The following HUWE1 variants were observed in gnomAD, a reference collection of about 807,000 sequenced individuals.
HUWE1 encodes HECT, UBA and WWE domain containing E3 ubiquitin protein ligase 1.
A neutral mutation model predicts 299.4 loss-of-function variants in HUWE1; 18 were observed. The ratio of observed to expected loss-of-function variants is 0.06; its 90% confidence interval spans 0.04 to 0.09. The LOEUF is 0.09. Among genes scored for constraint, HUWE1 ranks in the 10% least tolerant of loss-of-function variants. HUWE1 has a pLI of 1.00. For missense variants in HUWE1, 1,832 were observed against 3,462.3 expected (o/e 0.53, Z 11.82); for synonymous variants, 1,317 against 1,286.1 (o/e 1.02, Z -0.51).
In HUWE1 at chrX:53,539,147, C is replaced by T. The variant is rs1318479956; in HGVS notation, c.11633-67G>A. 1.5e-5 allele frequency: 16 copies of T among 1,048,854 alleles called. No homozygotes were observed. The Admixed American group carries it at 3.5e-4, about 23-fold the overall frequency. The allele number at this position is 1,048,854 out of a possible 1,213,427, so 86.4% of individuals were successfully genotyped here. On this transcript the variant is annotated intron_variant, in intron 75 of 83. Transcript: ENST00000262854. Reference sequence around the variant, plus strand: ...AACTTCAACATGCAAACCTCTTTGCCATCATAAACAAATTATAAAAATAAA... The same window carrying T: ...AACTTCAACATGCAAACCTCTTTGCTATCATAAACAAATTATAAAAATAAA...
intron 74 of HUWE1, among the ~76,000 whole-genome samples, chrX:53,542,008 C>T (rs1162518066): frequency 1.8e-5 from 2 of 111,466 alleles, no homozygotes; most frequent in African/African-American, 6.5e-5. Context: ...TGGCGAAACT[C>T]GTCTCTACTA....
intron 30 of HUWE1, 43 bp from the exon 31 acceptor site, chrX:53,594,664 CAG>C (rs1414143158): frequency 1.7e-6 from 2 of 1,185,220 alleles, no homozygotes; most frequent in African/African-American, 3.5e-5. Flanking sequence ...TTCTGTAAAG[CAG>C]AGACAGAAGC....
At chrX:53,671,556 C>T (rs1458960975) in intron 3 of HUWE1, among the ~76,000 whole-genome samples, 1 of 110,750 alleles carries the variant, frequency 9.0e-6, no homozygotes, top group Non-Finnish European at 1.9e-5. Flanking sequence ...TTTGGGAGGC[C>T]GAGGCGGGCG....
chrX:53,577,668 G>A (rs1556960526), intron 43 of HUWE1, among the ~76,000 whole-genome samples: 2 of 111,022 alleles, frequency 1.8e-5, no homozygotes, highest in Non-Finnish European at 3.8e-5. Flanking sequence ...GCAGGCGCGC[G>A]CCGCCACGCC....
chrX:53,662,569 AT>A (rs2069058362), intron 3 of HUWE1, among the ~76,000 whole-genome samples: 1 of 112,099 alleles, frequency 8.9e-6, no homozygotes, highest in South Asian at 3.7e-4. Context: ...ATCAACTGTA[AT>A]TACTGGTTTG....
At chrX:53,601,792 C>T (rs2064865773) in intron 28 of HUWE1, among the ~76,000 whole-genome samples, 2 of 109,174 alleles carry the variant, frequency 1.8e-5, no homozygotes, top group South Asian at 8.2e-4. Flanking sequence ...CCTCAGCCTC[C>T]CGAGTAGCTG....
chrX:53,547,167 C>T (rs1046746171), intron 68 of HUWE1, among the ~76,000 whole-genome samples: 1 of 111,949 alleles, frequency 8.9e-6, no homozygotes, highest in Non-Finnish European at 1.9e-5. Context: ...ATGGCCCACT[C>T]TATTCTTTAA....
intron 29 of HUWE1, among the ~76,000 whole-genome samples, chrX:53,597,844 AG>A (rs1342738065): frequency 9.5e-6 from 1 of 105,791 alleles, no homozygotes; most frequent in Non-Finnish European, 1.9e-5. Context: ...ACCCTGACAG[AG>A]GGAACATCAC....
At chrX:53,640,153 G>A (rs1331137734) in intron 7 of HUWE1, among the ~76,000 whole-genome samples, 1 of 112,518 alleles carries the variant, frequency 8.9e-6, no homozygotes, top group East Asian at 2.8e-4. Context: ...GAGCTCAGGA[G>A]TTGGAGACCA....
chrX:53,626,071 T>C lies in HUWE1; in HGVS notation c.1490-813A>G, dbSNP rs181552971. ...GTTATGATAAAGAAACTTACTAGAA[T>C]AAAAGGTACCACAAAAAGAAAAATT... On this transcript the variant is annotated intron_variant, in intron 17 of 83. Coordinates refer to ENST00000262854, the MANE Select transcript of HUWE1 (RefSeq NM_031407.7). The C allele has an allele frequency of 1.2e-4, 44 of 359,433 alleles. 1 individual carries two copies. Among genetic ancestry groups the C allele is most frequent in the African/African-American group, 9.0e-4 (34 of 37,842 alleles). 29.6% of individuals were successfully genotyped at this position (359,433 alleles called of 1,213,427 possible).
intron 43 of HUWE1, 144 bp from the exon 44 acceptor site, chrX:53,577,211 T>C: frequency 2.0e-6 from 1 of 501,117 alleles, no homozygotes; most frequent in South Asian, 2.8e-5. Flanking sequence ...AGTACTCTAC[T>C]ATAAAACCTG....
intron 4 of HUWE1, among the ~76,000 whole-genome samples, chrX:53,650,421 C>T (rs1336032273): frequency 1.8e-5 from 2 of 111,930 alleles, no homozygotes; most frequent in Non-Finnish European, 3.8e-5. Context: ...CTCTCTGGCA[C>T]AAATATGTCT....
chrX:53,681,687 G>A (rs2070162596), intron 2 of HUWE1, among the ~76,000 whole-genome samples: 2 of 111,934 alleles, frequency 1.8e-5, no homozygotes, highest in Admixed American at 1.9e-4. Context: ...AACAAATGAG[G>A]GAGGTGAAAA....
Position 53,608,715 on chromosome X carries a change from A to G in HUWE1, c.2319+137T>C. 4 of 528,216 alleles carry G rather than the reference A, an allele frequency of 7.6e-6. No individual in the cohort carries two copies. In the South Asian group the frequency reaches 7.6e-5, roughly 10 times the overall value. The allele number at this position is 528,216 out of a possible 1,213,427, so 43.5% of individuals were successfully genotyped here. On this transcript the variant is annotated intron_variant, in intron 24 of 83. Transcript: ENST00000262854. The stretch of plus-strand genomic sequence containing the variant: ...CAAACCAGTCTAGAACAAAAACAAA[A>G]GGGTGGCACATCTTTCCCCTCTTAA...
At chrX:53,601,030 GT>G (rs2086294475) in intron 28 of HUWE1, among the ~76,000 whole-genome samples, 1 of 111,717 alleles carries the variant, frequency 9.0e-6, no homozygotes, top group Admixed American at 9.5e-5. Context: ...ATTTTGTCAG[GT>G]TTCTTTATAG....
At chrX:53,646,035 A>T (rs28697983) in intron 6 of HUWE1, among the ~76,000 whole-genome samples, 19,331 of 109,670 alleles carry the variant, frequency 0.18, 4,092 homozygotes, top group African/African-American at 0.6. Context: ...AATTGAAATT[A>T]ATTAAAACAG....
rs1556972162 is a variant in HUWE1 at position 53,585,195 on chromosome X, A to G, written c.4825-7T>C. ...TGCTGTTGGATTGCAGGTACTAAAC[A>G]TAAAAGTACAAAGTTTCTTTGTATT... On this transcript the variant is annotated splice_polypyrimidine_tract_variant and splice_region_variant and intron_variant, in intron 39 of 83. Transcript: ENST00000262854. The G allele has an allele frequency of 4.1e-6, 5 of 1,208,360 alleles. No homozygotes were observed. In the Admixed American group the frequency reaches 8.7e-5, roughly 21 times the overall value.
intron 25 of HUWE1, among the ~76,000 whole-genome samples, chrX:53,605,832 G>A (rs1270456265): frequency 4.5e-5 from 5 of 111,703 alleles, no homozygotes; most frequent in Non-Finnish European, 7.5e-5. Flanking sequence ...AAGACCAATG[G>A]AATAGAATAG....
intron 25 of HUWE1, 45 bp from the exon 26 acceptor site, chrX:53,604,879 C>CA: frequency 1.8e-6 from 2 of 1,113,189 alleles, no homozygotes; most frequent in Non-Finnish European, 2.5e-6. Context: ...CAATGAACTT[C>CA]AAATTCATCA....
Sources: gnomAD v4.1 joint callset for allele counts (sites outside exome capture counted in the v4.1 genomes callset) on GRCh38, gnomAD v4.1.1 for gene constraint, MANE v1.5 for transcripts, NCBI Gene and HGNC (gene_info 2026-07-23, HGNC 2026-07-21) for gene names.